The following GPHN variants were observed in gnomAD, a reference collection of about 807,000 sequenced individuals.
GPHN encodes gephyrin.
A neutral mutation model predicts 95.5 loss-of-function variants in GPHN; 17 were observed. That is an observed-to-expected ratio of 0.18 (90% CI 0.12 to 0.27). The LOEUF is 0.27. GPHN is among the 10% of genes least tolerant of loss of function. The pLI is 1.00. For synonymous variants in GPHN, 320 were observed against 322.5 expected (o/e 0.99, Z 0.08); for missense variants, 660 against 978.1 (o/e 0.67, Z 4.34).
intron 17 of GPHN, among the ~76,000 whole-genome samples, chr14:67,128,878 G>A (rs2079510948): frequency 6.6e-6 from 1 of 150,818 alleles, no homozygotes; most frequent in Admixed American, 6.6e-5. Context: ...GCAATGGTGC[G>A]ATCTCAGCTC....
At chr14:67,477,923 A>C in the GPHN span, among the ~76,000 whole-genome samples, 6 of 152,144 alleles carry the variant, frequency 3.9e-5, no homozygotes, top group Non-Finnish European at 7.3e-5. Context: ...CCACCCTAAC[A>C]TGAGTTCCTG....
At chr14:67,437,806 G>A in the GPHN span, among the ~76,000 whole-genome samples, 2,954 of 152,212 alleles carry the variant, frequency 0.019, 172 homozygotes, top group South Asian at 0.12. Flanking sequence ...CATTTACCAC[G>A]GTGGAGGAGA....
At chr14:67,229,409 G>A in the GPHN span, among the ~76,000 whole-genome samples, 1 of 152,206 alleles carries the variant, frequency 6.6e-6, no homozygotes, top group Non-Finnish European at 1.5e-5. Context: ...ATGATGGCCA[G>A]TAGGCATATA....
chr14:67,092,893 G>A (rs1186812482), intron 12 of GPHN, among the ~76,000 whole-genome samples: 1 of 152,062 alleles, frequency 6.6e-6, no homozygotes, highest in African/African-American at 2.4e-5. Flanking sequence ...TCACACTGAT[G>A]AAGCTAATCA....
chr14:66,697,464 A>G (rs896021955), intron 2 of GPHN, among the ~76,000 whole-genome samples: 1 of 152,180 alleles, frequency 6.6e-6, no homozygotes, highest in African/African-American at 2.4e-5. Flanking sequence ...TTAAAGGCAC[A>G]AGATGAAATG....
chr14:67,144,250 A>ATATGT, intron 18 of GPHN, among the ~76,000 whole-genome samples: 2 of 57,776 alleles, frequency 3.5e-5, no homozygotes, highest in East Asian at 1.6e-3. Context: ...AAAAAAAAAA[A>ATATGT]ATATATATAT....
chr14:67,234,633 T>A, the GPHN span, among the ~76,000 whole-genome samples: 1 of 151,992 alleles, frequency 6.6e-6, no homozygotes, highest in Admixed American at 6.5e-5. Flanking sequence ...CACTGCAACT[T>A]CCTCCCACTG....
the GPHN span, among the ~76,000 whole-genome samples, chr14:67,446,773 A>G: frequency 6.6e-6 from 1 of 152,228 alleles, no homozygotes; most frequent in Non-Finnish European, 1.5e-5. Flanking sequence ...TATATTTAAT[A>G]GGGAGAAATG....
At chr14:66,693,430 A>T (rs1464651503) in intron 2 of GPHN, among the ~76,000 whole-genome samples, 4 of 152,190 alleles carry the variant, frequency 2.6e-5, no homozygotes, top group African/African-American at 9.6e-5. Context: ...ATTGATTGAT[A>T]GATAGATAGG....
chr14:66,691,192 T>TA (rs1453870411), intron 2 of GPHN, among the ~76,000 whole-genome samples: 12 of 151,990 alleles, frequency 7.9e-5, no homozygotes, highest in African/African-American at 2.9e-4. Context: ...TTTTATTTTT[T>TA]TTTTTTATTT....
the GPHN span, among the ~76,000 whole-genome samples, chr14:67,517,540 G>T: frequency 6.6e-6 from 1 of 152,142 alleles, no homozygotes; most frequent in Non-Finnish European, 1.5e-5. Context: ...AAGCTCTATT[G>T]TAGAAGCCAA....
the GPHN span, among the ~76,000 whole-genome samples, chr14:67,606,363 T>C: frequency 6.6e-6 from 1 of 152,244 alleles, no homozygotes; most frequent in South Asian, 2.1e-4. Context: ...AATGTTTCTC[T>C]TCCCTTGTAA....
At chr14:67,214,072 G>T in the GPHN span, among the ~76,000 whole-genome samples, 3 of 152,174 alleles carry the variant, frequency 2.0e-5, no homozygotes, top group Admixed American at 6.5e-5. Context: ...TTAGCCCTTT[G>T]TCAGATGAGT....
chr14:66,712,560 G>A (rs2069753215), intron 2 of GPHN, among the ~76,000 whole-genome samples: 1 of 152,090 alleles, frequency 6.6e-6, no homozygotes, highest in South Asian at 2.1e-4. Context: ...TGGATAAATT[G>A]CAAAAATTTT....
intron 11 of GPHN, among the ~76,000 whole-genome samples, chr14:67,067,957 G>A (rs141757504): frequency 8.5e-5 from 13 of 152,328 alleles, no homozygotes; most frequent in Non-Finnish European, 1.3e-4. Flanking sequence ...TCCATGGGCT[G>A]CACCCACTGT....
chr14:66,955,774 A>C (rs1355840359), intron 8 of GPHN, among the ~76,000 whole-genome samples: 1 of 151,764 alleles, frequency 6.6e-6, no homozygotes, highest in African/African-American at 2.4e-5. Context: ...CTCATTGTTC[A>C]GTTCCCACCT....
the GPHN span, chr14:67,350,500 A>G: frequency 1.7e-5 from 14 of 823,078 alleles, no homozygotes; most frequent in Middle Eastern, 7.0e-4. Flanking sequence ...TATTATTACT[A>G]TATCATTTGT....
At chr14:66,517,001 G>A (rs2058272643) in intron 1 of GPHN, among the ~76,000 whole-genome samples, 1 of 151,818 alleles carries the variant, frequency 6.6e-6, no homozygotes, top group Middle Eastern at 3.4e-3. Context: ...ATGGTGGTGT[G>A]TGCCTGTAAT....
the GPHN span, among the ~76,000 whole-genome samples, chr14:67,624,419 T>C: frequency 1.2e-4 from 18 of 151,984 alleles, no homozygotes; most frequent in African/African-American, 4.4e-4. Context: ...AGAAAAGAGG[T>C]TTAATTGACT....
Sources: gnomAD v4.1 joint callset for allele counts (sites outside exome capture counted in the v4.1 genomes callset) on GRCh38, gnomAD v4.1.1 for gene constraint, MANE v1.5 for transcripts, NCBI Gene and HGNC (gene_info 2026-07-23, HGNC 2026-07-21) for gene names.